CELF1: variants seen among roughly 807,000 people sequenced by gnomAD.
The protein encoded by CELF1 is 50 kDa nuclear polyadenylated RNA-binding protein.
Under a neutral mutation model 61.8 loss-of-function variants are expected in CELF1, and 10 were observed. That is an observed-to-expected ratio of 0.16 (90% CI 0.10 to 0.27). The LOEUF (loss-of-function observed/expected upper bound fraction) is 0.27, where lower values mean the gene tolerates loss of function less well. CELF1 is among the 10% of genes least tolerant of loss of function. The probability of loss-of-function intolerance (pLI) is 1.00; values close to 1 mark genes in which losing one functional copy is unlikely to be tolerated. For synonymous variants in CELF1, 236 were observed against 225.1 expected (o/e 1.05, Z -0.43); for missense variants, 380 against 639.1 (o/e 0.59, Z 4.37).
intron 8 of CELF1, 82 bp from the exon 9 acceptor site, chr11:47,482,938 G>A: frequency 1.6e-6 from 2 of 1,257,176 alleles, no homozygotes; most frequent in Non-Finnish European, 2.2e-6. Context: ...TGACATGCAG[G>A]TTACATTCTA....
intron 1 of CELF1, among the ~76,000 whole-genome samples, chr11:47,519,311 T>C (rs936836113): frequency 1.3e-5 from 2 of 152,040 alleles, no homozygotes; most frequent in African/African-American, 4.8e-5. Context: ...AAACCCCATC[T>C]CTACTACAAA....
intron 1 of CELF1, among the ~76,000 whole-genome samples, chr11:47,534,979 G>C (rs2096591704): frequency 6.6e-6 from 1 of 151,404 alleles, no homozygotes; most frequent in African/African-American, 2.4e-5. Flanking sequence ...GGAACAGTCA[G>C]AATTAGAAAA....
intron 4 of CELF1, among the ~76,000 whole-genome samples, chr11:47,487,605 A>C (rs184021273): frequency 9.8e-5 from 15 of 152,312 alleles, no homozygotes; most frequent in Non-Finnish European, 1.5e-5. Context: ...GGGGCTCTAT[A>C]CTTTTGCAGC....
intron 1 of CELF1, among the ~76,000 whole-genome samples, chr11:47,522,812 C>T (rs987915426): frequency 1.4e-5 from 2 of 139,856 alleles, no homozygotes; most frequent in Admixed American, 7.6e-5. Flanking sequence ...GGCAACAGAG[C>T]GAGACTCCAT....
chr11:47,528,263 G>A (rs985096578), intron 1 of CELF1, among the ~76,000 whole-genome samples: 3 of 152,042 alleles, frequency 2.0e-5, no homozygotes, highest in South Asian at 2.1e-4. Flanking sequence ...AGAGAAATAC[G>A]GGATTGGACT....
intron 1 of CELF1, among the ~76,000 whole-genome samples, chr11:47,511,603 AAG>A (rs2095176635): frequency 6.6e-6 from 1 of 152,200 alleles, no homozygotes; most frequent in Admixed American, 6.5e-5. Flanking sequence ...AAGTGGCAAT[AAG>A]TACGAGCTAA....
At chr11:47,473,882 A>G (rs1171151501) in intron 13 of CELF1, among the ~76,000 whole-genome samples, 1 of 151,984 alleles carries the variant, frequency 6.6e-6, no homozygotes, top group African/African-American at 2.4e-5. Flanking sequence ...TCATCTGACT[A>G]TTTACACTCA....
intron 1 of CELF1, among the ~76,000 whole-genome samples, chr11:47,534,943 T>C (rs553133407): frequency 6.6e-6 from 1 of 152,076 alleles, no homozygotes; most frequent in Non-Finnish European, 1.5e-5. Flanking sequence ...ACAAGTCTGA[T>C]CTGTGGATCT....
At chr11:47,484,029 C>T (rs1193774216) in intron 7 of CELF1, among the ~76,000 whole-genome samples, 1 of 152,188 alleles carries the variant, frequency 6.6e-6, no homozygotes, top group East Asian at 1.9e-4. Flanking sequence ...TAGTTTCCAC[C>T]GGTCAAATTA....
chr11:47,514,692 C>CAAAAA (rs34636337), intron 1 of CELF1, among the ~76,000 whole-genome samples: 12 of 105,990 alleles, frequency 1.1e-4, no homozygotes, highest in Admixed American at 2.1e-4. Flanking sequence ...CCTATCTCTA[C>CAAAAA]AAAAAAAAAA....
At chr11:47,510,068 GA>G (rs200224341) in intron 1 of CELF1, among the ~76,000 whole-genome samples, 5 of 145,646 alleles carry the variant, frequency 3.4e-5, no homozygotes, top group Non-Finnish European at 6.1e-5. Context: ...TCTCAAAAAA[GA>G]AAAAAAAAAG....
At chr11:47,541,796 A>C (rs1439168848) in intron 1 of CELF1, among the ~76,000 whole-genome samples, 8 of 122,180 alleles carry the variant, frequency 6.5e-5, no homozygotes, top group African/African-American at 2.3e-4. Context: ...GAAAGAACGA[A>C]AGAAAGAAAG....
intron 1 of CELF1, among the ~76,000 whole-genome samples, chr11:47,545,563 G>A (rs1422100042): frequency 6.6e-6 from 1 of 152,128 alleles, no homozygotes; most frequent in Non-Finnish European, 1.5e-5. Flanking sequence ...ATAACAAGGA[G>A]CATTAAGAGG....
At chr11:47,475,056 A>T (rs965887599) in intron 13 of CELF1, among the ~76,000 whole-genome samples, 2 of 152,254 alleles carry the variant, frequency 1.3e-5, no homozygotes, top group African/African-American at 4.8e-5. Context: ...ATTCTTGTCA[A>T]ATGTGTCAGA....
At position 47,487,245 on chromosome 11, in the gene CELF1, C is replaced by T. The variant is rs2087941775; in HGVS notation, c.260-4G>A. Reference sequence around the variant, plus strand: ...TAAAATGTAACAAAACAGCACCCTGCAATAAATAAGATTTCATAAAATCAA... The same window carrying T: ...TAAAATGTAACAAAACAGCACCCTGTAATAAATAAGATTTCATAAAATCAA... On this transcript the variant is annotated splice_polypyrimidine_tract_variant and splice_region_variant and intron_variant, in intron 4 of 14. Transcript: ENST00000687097. 2 of 1,606,098 alleles carry T rather than the reference C, an allele frequency of 1.2e-6. No homozygotes were observed. The highest frequency in any genetic ancestry group is 1.7e-6 in the Non-Finnish European group (2 of 1,175,944).
chr11:47,502,655 A>G (rs2094055611), intron 1 of CELF1, among the ~76,000 whole-genome samples: 1 of 151,962 alleles, frequency 6.6e-6, no homozygotes, highest in East Asian at 1.9e-4. Context: ...ACACGGTGAA[A>G]CCCTGTCTCT....
chr11:47,544,361 T>A (rs926641936), intron 1 of CELF1, among the ~76,000 whole-genome samples: 11 of 152,176 alleles, frequency 7.2e-5, no homozygotes, highest in Admixed American at 5.9e-4. Flanking sequence ...GTGCCTAGCA[T>A]AAGTTACCTC....
intron 3 of CELF1, among the ~76,000 whole-genome samples, chr11:47,493,083 A>G (rs1391792385): frequency 1.3e-5 from 2 of 152,152 alleles, no homozygotes; most frequent in South Asian, 2.1e-4. Context: ...TTTACCCAAA[A>G]GTTTAGCAGG....
chr11:47,517,260 G>GAAAAAAAAAAAAAAA (rs57071560), intron 1 of CELF1, among the ~76,000 whole-genome samples: 2 of 76,992 alleles, frequency 2.6e-5, no homozygotes, highest in African/African-American at 3.8e-5. Flanking sequence ...AACAAACAGA[G>GAAAAAAAAAAAAAAA]AAAAAAAAAA....
Sources: gnomAD v4.1 joint callset for allele counts (sites outside exome capture counted in the v4.1 genomes callset) on GRCh38, gnomAD v4.1.1 for gene constraint, MANE v1.5 for transcripts, NCBI Gene and HGNC (gene_info 2026-07-23, HGNC 2026-07-21) for gene names.